Variants in FUT8 observed in about 807,000 individuals in gnomAD.
FUT8 encodes the protein alpha-(1,6)-fucosyltransferase.
In FUT8, 29 loss-of-function variants were observed where a neutral mutation model predicts 71.3. The observed-to-expected ratio is 0.41, with a 90% CI of 0.30 to 0.55. The LOEUF is 0.55. FUT8 is among the 20% of genes least tolerant of loss of function. The probability of loss-of-function intolerance (pLI) is 0.34; values close to 1 mark genes in which losing one functional copy is unlikely to be tolerated. For missense variants in FUT8, 544 were observed against 702.1 expected, an observed-to-expected ratio of 0.77 and a Z score of 2.55; for synonymous variants, 254 against 239.3, an observed-to-expected ratio of 1.06 and a Z score of -0.57.
upstream of FUT8, chr14:65,410,540 T>C (rs1371639131): frequency 2.0e-5 from 3 of 150,606 alleles, no homozygotes; most frequent in East Asian, 5.8e-4. Flanking sequence ...TCTATACAAA[T>C]GCACCAAATC....
rs1296596238 is a variant in FUT8, at chr14:65,616,021, G to A, written c.247G>A (p.Val83Ile). The change falls in exon 4 of 11, where the codon GTA (valine) becomes ATA (isoleucine). Residue 83 changes from valine (V) to isoleucine (I), a missense_variant. Val to Ile is a conservative substitution (Grantham distance 29). Transcript: ENST00000673929. ...PIDQGPAIGRVRVLEEQLVKA... is the reference protein window; with the variant it reads ...PIDQGPAIGRIRVLEEQLVKA... Reference sequence around the variant, plus strand: ...TGATCAGGGGCCAGCTATAGGAAGAGTACGCGTTTTAGAAGAGCAGCTTGT... The same window carrying A: ...TGATCAGGGGCCAGCTATAGGAAGAATACGCGTTTTAGAAGAGCAGCTTGT... The A allele has an allele frequency of 6.2e-7, 1 of 1,614,024 alleles. No homozygotes were observed. Among genetic ancestry groups the A allele is most frequent in the African/African-American group, 1.3e-5 (1 of 75,066 alleles).
intron 7 of FUT8, among the ~76,000 whole-genome samples, chr14:65,693,738 T>C (rs1029749315): frequency 6.6e-6 from 1 of 152,242 alleles, no homozygotes; most frequent in African/African-American, 2.4e-5. Flanking sequence ...TCTGTTTCTA[T>C]TTTCTGGAAG....
chr14:65,526,838 A>G (rs1883507160), intron 2 of FUT8, among the ~76,000 whole-genome samples: 2 of 152,158 alleles, frequency 1.3e-5, no homozygotes, highest in African/African-American at 4.8e-5. Flanking sequence ...GTTTGGCTGG[A>G]TATGAAATTC....
chr14:65,720,726 G>A (rs73270608), intron 7 of FUT8, among the ~76,000 whole-genome samples: 12,677 of 152,160 alleles, frequency 0.083, 837 homozygotes, highest in African/African-American at 0.18. Flanking sequence ...TGCCTTTCAA[G>A]TTCATTTAGG....
chr14:65,720,199 T>C (rs916036714), intron 7 of FUT8, among the ~76,000 whole-genome samples: 1 of 152,234 alleles, frequency 6.6e-6, no homozygotes, highest in African/African-American at 2.4e-5. Flanking sequence ...TTCCCACTTT[T>C]CACTCCTCTT....
chr14:65,377,517 A>T, the FUT8 span, among the ~76,000 whole-genome samples: 1 of 152,250 alleles, frequency 6.6e-6, no homozygotes. Context: ...CTTTCCAATT[A>T]TAGTGAGACC....
chr14:65,472,293 G>A lies in FUT8; in HGVS notation c.-228+16575G>A, dbSNP rs1294230842. 3.3e-5 allele frequency among the ~76,000 whole-genome samples: 5 copies of A among 152,046 alleles called. No individual in the cohort carries two copies. The highest frequency in any genetic ancestry group is 3.3e-4 in the Admixed American group (5 of 15,268). On this transcript the variant is annotated intron_variant, in intron 2 of 10. Transcript: ENST00000673929. The surrounding 1 kb of genome is among the most constrained non-coding windows in gnomAD (Gnocchi z 4.4). ...TCTTTTTAACAACCAGCTCTTGGGGGAACAAATAGAGTGAGACCTCAAGCA... is the reference window on the plus strand; with the variant it reads ...TCTTTTTAACAACCAGCTCTTGGGGAAACAAATAGAGTGAGACCTCAAGCA...
At chr14:65,491,825 A>G (rs1356558565) in intron 2 of FUT8, among the ~76,000 whole-genome samples, 4 of 152,150 alleles carry the variant, frequency 2.6e-5, no homozygotes, top group African/African-American at 9.6e-5. Context: ...TTAATTTTAT[A>G]TAGGGAGGCT....
intron 3 of FUT8, among the ~76,000 whole-genome samples, chr14:65,585,131 A>G (rs1203223145): frequency 6.6e-6 from 1 of 151,978 alleles, no homozygotes; most frequent in African/African-American, 2.4e-5. Flanking sequence ...CCCCCTCCCC[A>G]TTTTATAATT....
chr14:65,440,211 G>A lies in FUT8; in HGVS notation c.-325-15410G>A, dbSNP rs542055496. On this transcript the variant is annotated intron_variant, in intron 1 of 10. Transcript: ENST00000673929. ...ATTACCAGGAGCTGTCAGCTGGGGA[G>A]AAATGGGGAGATGTGGTTAAAGTGT... 2.6e-5 allele frequency among the ~76,000 whole-genome samples: 4 copies of A among 151,910 alleles called. No homozygotes were observed. The South Asian group carries it at 8.3e-4, about 32-fold the overall frequency.
chr14:65,565,452 CA>C (rs1886144274), intron 3 of FUT8, among the ~76,000 whole-genome samples: 1 of 151,636 alleles, frequency 6.6e-6, no homozygotes, highest in Admixed American at 6.6e-5. Flanking sequence ...CAGTTGTGAA[CA>C]AAGTCACTAT....
At chr14:65,697,121 C>T (rs1161977583) in intron 7 of FUT8, among the ~76,000 whole-genome samples, 1 of 152,050 alleles carries the variant, frequency 6.6e-6, no homozygotes, top group East Asian at 1.9e-4. Context: ...TATTGAAAGC[C>T]AAATGTGAGG....
intron 2 of FUT8, among the ~76,000 whole-genome samples, chr14:65,559,605 A>G (rs983253924): frequency 6.6e-5 from 10 of 151,352 alleles, no homozygotes; most frequent in Non-Finnish European, 1.5e-4. Flanking sequence ...ACAGTGTTGC[A>G]TATGTTGTCT....
intron 7 of FUT8, among the ~76,000 whole-genome samples, chr14:65,708,676 T>C (rs1424252412): frequency 6.6e-6 from 1 of 152,146 alleles, no homozygotes; most frequent in Non-Finnish European, 1.5e-5. Context: ...GATTTTTGTA[T>C]ATTGATTTTG....
chr14:65,555,847 A>C (rs965911759), intron 2 of FUT8, among the ~76,000 whole-genome samples: 1 of 152,238 alleles, frequency 6.6e-6, no homozygotes, highest in African/African-American at 2.4e-5. Context: ...AGCAGCTATT[A>C]ATAAATGTGC....
intron 7 of FUT8, among the ~76,000 whole-genome samples, chr14:65,672,514 CG>C (rs1453714683): frequency 1.3e-5 from 2 of 152,116 alleles, no homozygotes; most frequent in Non-Finnish European, 2.9e-5. Context: ...GGCTGGAGTG[CG>C]GGGGCATGAT....
intron 3 of FUT8, among the ~76,000 whole-genome samples, chr14:65,612,310 G>A (rs1889042815): frequency 6.6e-6 from 1 of 152,174 alleles, no homozygotes; most frequent in African/African-American, 2.4e-5. Context: ...CCTAAGCAAT[G>A]TTTGGTCTGG....
chr14:65,560,538 GT>G (rs771536813), intron 2 of FUT8, among the ~76,000 whole-genome samples: 3 of 152,104 alleles, frequency 2.0e-5, no homozygotes, highest in Non-Finnish European at 4.4e-5. Context: ...GGAGAAAATA[GT>G]TTTGTTTCCA....
chr14:65,393,612 G>T, the FUT8 span, among the ~76,000 whole-genome samples: 1 of 152,140 alleles, frequency 6.6e-6, no homozygotes, highest in East Asian at 1.9e-4. Context: ...CCTTTCTCAG[G>T]GTTTCTGAGC....
Sources: gnomAD v4.1 joint callset for allele counts (sites outside exome capture counted in the v4.1 genomes callset) on GRCh38, gnomAD v4.1.1 for gene constraint, Gnocchi (gnomAD v3.1) non-coding constraint, MANE v1.5 for transcripts, NCBI Gene and HGNC (gene_info 2026-07-23, HGNC 2026-07-21) for gene names.